CNTNAP2: variants seen among roughly 807,000 people sequenced by gnomAD.
CNTNAP2 encodes contactin associated protein 2, also known as contactin-associated protein-like 2.
Under a neutral mutation model 155.2 loss-of-function variants are expected in CNTNAP2, and 98 were observed. The observed-to-expected ratio is 0.63, with a 90% CI of 0.54 to 0.75. The LOEUF (loss-of-function observed/expected upper bound fraction) is 0.75, where lower values mean the gene tolerates loss of function less well. CNTNAP2 is among the 30% of genes least tolerant of loss of function. CNTNAP2 has a pLI of 0.00. For missense variants in CNTNAP2, 1,727 were observed against 1,688.1 expected (o/e 1.02, Z -0.40); for synonymous variants, 651 against 631.2 (o/e 1.03, Z -0.47).
chr7:146,973,026 G>GTT (rs1797834050), intron 3 of CNTNAP2, among the ~76,000 whole-genome samples: 1 of 151,968 alleles, frequency 6.6e-6, no homozygotes, highest in African/African-American at 2.4e-5. Context: ...GTTATGTTTC[G>GTT]TTTCTCTCTC....
At chr7:147,551,789 T>C (rs542543314) in intron 11 of CNTNAP2, among the ~76,000 whole-genome samples, 19 of 152,256 alleles carry the variant, frequency 1.2e-4, no homozygotes, top group African/African-American at 4.1e-4. Context: ...CTCTATTTCT[T>C]AACAGGATTA....
At chr7:146,881,830 G>C in intron 3 of CNTNAP2, among the ~76,000 whole-genome samples, 1 of 138,314 alleles carries the variant, frequency 7.2e-6, no homozygotes, top group East Asian at 2.1e-4. Context: ...TTTTATTTTA[G>C]AGTCAGGGGA....
intron 4 of CNTNAP2, among the ~76,000 whole-genome samples, chr7:147,073,759 A>T (rs1031408078): frequency 6.6e-6 from 1 of 152,184 alleles, no homozygotes; most frequent in African/African-American, 2.4e-5. Context: ...ATCATGCAAG[A>T]TGAGGACTAA....
intron 8 of CNTNAP2, among the ~76,000 whole-genome samples, chr7:147,205,983 T>C (rs1451254890): frequency 6.6e-6 from 1 of 152,158 alleles, no homozygotes; most frequent in African/African-American, 2.4e-5. Flanking sequence ...ATTATATACT[T>C]ACATCAAAAT....
chr7:146,451,857 A>ACATATGTG lies in CNTNAP2; in HGVS notation c.98-322414_98-322413insCATATGTG, dbSNP rs1182436142. 9.3e-5 allele frequency among the ~76,000 whole-genome samples: 12 copies of ACATATGTG among 128,614 alleles called. 1 individual carries two copies. Among genetic ancestry groups the ACATATGTG allele is most frequent in the African/African-American group, 3.3e-4 (10 of 30,766 alleles). The allele number at this position is 128,614 out of a possible 152,430, so 84.4% of individuals were successfully genotyped here. A position where few individuals can be genotyped will look rare whatever the true frequency, so the allele number is the denominator to read the frequency against. On this transcript the variant is annotated intron_variant, in intron 1 of 23. Coordinates refer to ENST00000361727, the MANE Select transcript of CNTNAP2 (RefSeq NM_014141.6). ...ATACATATATATATACACGTATTCT[A>ACATATGTG]TATATATATATACGTATATATACAC...
At chr7:147,278,792 G>C (rs1395831201) in intron 8 of CNTNAP2, among the ~76,000 whole-genome samples, 2 of 151,086 alleles carry the variant, frequency 1.3e-5, no homozygotes, top group African/African-American at 2.4e-5. Context: ...AATTATTTCA[G>C]TCTTTTCGTA....
At chr7:148,179,018 G>C (rs938713534) in intron 18 of CNTNAP2, among the ~76,000 whole-genome samples, 5 of 152,198 alleles carry the variant, frequency 3.3e-5, no homozygotes, top group Non-Finnish European at 7.3e-5. Context: ...CACAGTAAAA[G>C]TATTCTGAAG....
At chr7:147,723,830 G>A (rs141291465) in intron 13 of CNTNAP2, among the ~76,000 whole-genome samples, 11 of 152,064 alleles carry the variant, frequency 7.2e-5, no homozygotes, top group Non-Finnish European at 1.3e-4. Context: ...TAACGATCAA[G>A]TCAGGGTATT....
chr7:146,422,129 T>C (rs1213830471), intron 1 of CNTNAP2, among the ~76,000 whole-genome samples: 1 of 151,398 alleles, frequency 6.6e-6, no homozygotes, highest in Non-Finnish European at 1.5e-5. Context: ...GGGATACAAA[T>C]GTTTTTTTTT....
Position 147,821,549 on chromosome 7 carries a change from G to A in CNTNAP2, c.2099-82016G>A, listed in dbSNP as rs192356206. Among the ~76,000 whole-genome samples the A allele has an allele frequency of 2.3e-4, 35 of 152,276 alleles. No individual in the cohort carries two copies. The East Asian group carries it at 6.2e-3, about 27-fold the overall frequency. Reference sequence around the variant, plus strand: ...AAATAACATAAACATGACAGAAAGAGGCAAGATGAATGTGAAATGGAAGTC... The same window carrying A: ...AAATAACATAAACATGACAGAAAGAAGCAAGATGAATGTGAAATGGAAGTC... On this transcript the variant is annotated intron_variant, in intron 13 of 23. Coordinates refer to ENST00000361727, the MANE Select transcript of CNTNAP2 (RefSeq NM_014141.6).
chr7:147,396,711 C>T (rs1426231295), intron 10 of CNTNAP2, among the ~76,000 whole-genome samples: 5 of 151,920 alleles, frequency 3.3e-5, no homozygotes, highest in Admixed American at 3.3e-4. Context: ...TGTCTGTAAA[C>T]AAATTATATA....
At chr7:147,562,863 C>T (rs539885800) in intron 12 of CNTNAP2, among the ~76,000 whole-genome samples, 1 of 152,156 alleles carries the variant, frequency 6.6e-6, no homozygotes, top group African/African-American at 2.4e-5. Flanking sequence ...AAGATAAGAA[C>T]AGATTTTCCA....
intron 1 of CNTNAP2, among the ~76,000 whole-genome samples, chr7:146,696,906 T>G (rs993212658): frequency 3.9e-5 from 6 of 152,192 alleles, no homozygotes; most frequent in Non-Finnish European, 8.8e-5. Flanking sequence ...TTAAATTCAT[T>G]AAGCTGTGTT....
intron 13 of CNTNAP2, among the ~76,000 whole-genome samples, chr7:147,900,083 T>C (rs1799841374): frequency 6.6e-6 from 1 of 152,148 alleles, no homozygotes; most frequent in Non-Finnish European, 1.5e-5. Flanking sequence ...GTTCCCCATC[T>C]TAATAGACTT....
At chr7:148,174,384 A>G (rs567569540) in intron 18 of CNTNAP2, among the ~76,000 whole-genome samples, 1 of 151,376 alleles carries the variant, frequency 6.6e-6, no homozygotes, top group Non-Finnish European at 1.5e-5. Context: ...CTCACTCTCC[A>G]GGTAGCCTGG....
chr7:146,647,820 A>G (rs1799840972), intron 1 of CNTNAP2, among the ~76,000 whole-genome samples: 1 of 152,188 alleles, frequency 6.6e-6, no homozygotes, highest in Admixed American at 6.5e-5. Context: ...TTTAAAAGAA[A>G]TCTTTTACTC....
chr7:147,120,627 T>C lies in CNTNAP2; in HGVS notation c.755-352T>C, dbSNP rs139853705. Among the ~76,000 whole-genome samples, 457 of 152,076 alleles carry C rather than the reference T, an allele frequency of 3.0e-3. 4 individuals carry two copies. The highest frequency in any genetic ancestry group is 0.011 in the African/African-American group (441 of 41,468). On this transcript the variant is annotated intron_variant, in intron 5 of 23. Transcript: ENST00000361727. ...ATTTTATTTATTTATTTATTTTTCTTTTTTTTCATTTATTATTATTATACT... is the reference window on the plus strand; with the variant it reads ...ATTTTATTTATTTATTTATTTTTCTCTTTTTTCATTTATTATTATTATACT...
chr7:147,971,439 T>C (rs935416755), intron 14 of CNTNAP2, among the ~76,000 whole-genome samples: 2 of 152,206 alleles, frequency 1.3e-5, no homozygotes, highest in East Asian at 1.9e-4. Flanking sequence ...ATTATCCCTA[T>C]ACGATTCCCG....
chr7:147,967,738 T>C (rs1444782115), intron 14 of CNTNAP2, among the ~76,000 whole-genome samples: 1 of 152,172 alleles, frequency 6.6e-6, no homozygotes, highest in Non-Finnish European at 1.5e-5. Context: ...CGTGAAGAAA[T>C]ATTGGCCCAG....
Sources: allele counts gnomAD v4.1 joint callset (sites outside exome capture counted in the v4.1 genomes callset), GRCh38; gene constraint gnomAD v4.1.1; transcripts MANE v1.5; gene names NCBI Gene and HGNC (gene_info 2026-07-23, HGNC 2026-07-21).